BOLL: variants seen among roughly 807,000 people sequenced by gnomAD.
BOLL encodes the protein protein boule-like.
Under a neutral mutation model 44.4 loss-of-function variants are expected in BOLL, and 23 were observed. That is an observed-to-expected ratio of 0.52 (90% CI 0.37 to 0.73). The LOEUF is 0.73. Ranked by LOEUF, BOLL falls within the 30% of genes least tolerant of loss-of-function variation. The pLI is 0.00. For missense variants in BOLL, 287 were observed against 338.3 expected, an observed-to-expected ratio of 0.85 and a Z score of 1.19; for synonymous variants, 97 against 110.8, an observed-to-expected ratio of 0.88 and a Z score of 0.78.
chr2:197,781,106 T>C (rs1287713755), intron 2 of BOLL, among the ~76,000 whole-genome samples: 1 of 152,092 alleles, frequency 6.6e-6, no homozygotes, highest in African/African-American at 2.4e-5. Context: ...TTGTATAGAT[T>C]ATTTTGGCAC....
At chr2:197,782,667 T>C (rs957482069) in intron 1 of BOLL, among the ~76,000 whole-genome samples, 12 of 152,222 alleles carry the variant, frequency 7.9e-5, no homozygotes, top group African/African-American at 2.7e-4. Flanking sequence ...TTCCCTTGTT[T>C]GAACAATTAA....
At chr2:197,755,059 C>A (rs1295935152) in intron 9 of BOLL, among the ~76,000 whole-genome samples, 3 of 152,042 alleles carry the variant, frequency 2.0e-5, no homozygotes, top group African/African-American at 7.2e-5. Context: ...AAGAAAAAAA[C>A]AAAGAACCTC....
chr2:197,742,653 G>A (rs935535295), intron 10 of BOLL, among the ~76,000 whole-genome samples: 5 of 151,892 alleles, frequency 3.3e-5, no homozygotes, highest in East Asian at 1.9e-4. Flanking sequence ...ATCACACTCC[G>A]GGGACTGTTG....
intron 3 of BOLL, among the ~76,000 whole-genome samples, chr2:197,777,777 A>C (rs1689584953): frequency 6.6e-6 from 1 of 151,864 alleles, no homozygotes; most frequent in Non-Finnish European, 1.5e-5. Context: ...AACAAAAGAA[A>C]GAAAAAATGT....
intron 10 of BOLL, among the ~76,000 whole-genome samples, chr2:197,734,381 C>T (rs1470151636): frequency 2.0e-5 from 3 of 152,112 alleles, no homozygotes; most frequent in East Asian, 1.9e-4. Context: ...TAAACCAGTT[C>T]AACCATTGTG....
intron 7 of BOLL, among the ~76,000 whole-genome samples, chr2:197,765,730 G>A (rs1688964976): frequency 6.6e-6 from 1 of 151,516 alleles, no homozygotes; most frequent in Non-Finnish European, 1.5e-5. Flanking sequence ...TTTAGGTTCA[G>A]GGGTACATGT....
rs1199545210 is a variant in BOLL at position 197,771,994 on chromosome 2, A to T, written c.353-12T>A. On this transcript the variant is annotated splice_polypyrimidine_tract_variant and intron_variant, in intron 5 of 10. Transcript: ENST00000392296. ...CATTATACTAGAACCTAAAGCAAAG[A>T]TTAAATAATAATAATTGAAATGTTC... 3 of 1,540,342 alleles carry T rather than the reference A, an allele frequency of 1.9e-6. No individual in the cohort carries two copies. In the Admixed American group the frequency reaches 5.8e-5, roughly 30 times the overall value.
At chr2:197,735,557 A>C (rs1006155622) in intron 10 of BOLL, among the ~76,000 whole-genome samples, 1 of 152,156 alleles carries the variant, frequency 6.6e-6, no homozygotes, top group Non-Finnish European at 1.5e-5. Context: ...AATAAGGTGT[A>C]TAGTTTAGAC....
chr2:197,761,593 C>T (rs1688761475), intron 7 of BOLL, among the ~76,000 whole-genome samples: 1 of 152,080 alleles, frequency 6.6e-6, no homozygotes, highest in Non-Finnish European at 1.5e-5. Context: ...GACAGGATGT[C>T]CTCACCTATC....
rs1686914575 is a variant in BOLL, at chr2:197,727,883, G to C, written c.*672C>G. On this transcript the variant is annotated 3_prime_UTR_variant, in exon 11 of 11. Coordinates refer to ENST00000392296, the MANE Select transcript of BOLL (RefSeq NM_033030.6). ...TAATATAGTCAAATTACATGAAAAG[G>C]CAAGAATACTGATCATGTTGATGGT... 1 of 152,176 alleles carries C rather than the reference G, an allele frequency of 6.6e-6. No individual in the cohort carries two copies. The highest frequency in any genetic ancestry group is 6.5e-5 in the Admixed American group (1 of 15,270). The allele number at this position is 152,176 out of a possible 1,614,324, so 9.4% of individuals were successfully genotyped here. A position where few individuals can be genotyped will look rare whatever the true frequency, so the allele number is the denominator to read the frequency against.
chr2:197,777,095 A>G lies in BOLL; in HGVS notation c.240T>C (p.Phe80=). 2 of 1,568,776 alleles carry G rather than the reference A, an allele frequency of 1.3e-6. No homozygotes were observed. The highest frequency in any genetic ancestry group is 8.7e-7 in the Non-Finnish European group (1 of 1,148,376). ...GVSKGYGFVT[F]ETQEDAQKIL... is the part of the protein sequence containing the mutation. ...TTTTTTGTGCATCTTCTTGTGTTTC[A>G]AAAGTGACGAAACCATACCTAAATA... Residue 80 remains phenylalanine, a synonymous_variant, in exon 4 of 11, where the codon TTT becomes TTC. Coordinates refer to ENST00000392296, the MANE Select transcript of BOLL (RefSeq NM_033030.6).
chr2:197,786,086 T>C (rs1690062462), upstream of BOLL: 3 of 1,536,344 alleles, frequency 2.0e-6, no homozygotes, highest in East Asian at 4.8e-5. This position sits in a 1 kb window ranked among gnomAD's most constrained non-coding sequence, Gnocchi z 5.9. Context: ...GCAGCAGCGC[T>C]GCTTGTCCTG....
intron 9 of BOLL, among the ~76,000 whole-genome samples, chr2:197,745,142 A>G (rs1687934856): frequency 6.6e-6 from 1 of 152,224 alleles, no homozygotes; most frequent in Non-Finnish European, 1.5e-5. Flanking sequence ...TCAGAATGAC[A>G]TGGGCAGGCA....
chr2:197,745,654 AT>A (rs1163977934), intron 9 of BOLL, among the ~76,000 whole-genome samples: 3 of 152,188 alleles, frequency 2.0e-5, no homozygotes, highest in Non-Finnish European at 4.4e-5. Flanking sequence ...CAAAATATAG[AT>A]TTTTAAAATG....
chr2:197,770,729 C>T (rs1468316280), intron 6 of BOLL, among the ~76,000 whole-genome samples: 3 of 152,022 alleles, frequency 2.0e-5, no homozygotes, highest in Non-Finnish European at 2.9e-5. Flanking sequence ...TTTATGCAGC[C>T]AAAAGACACA....
intron 7 of BOLL, among the ~76,000 whole-genome samples, chr2:197,761,683 C>A (rs1319217374): frequency 6.6e-6 from 1 of 151,850 alleles, no homozygotes; most frequent in East Asian, 1.9e-4. Flanking sequence ...AAAAAGAGAC[C>A]CAACTATATG....
intron 7 of BOLL, 105 bp downstream of exon 7, chr2:197,766,427 C>A: frequency 1.1e-6 from 1 of 937,584 alleles, no homozygotes; most frequent in Non-Finnish European, 1.7e-6. Flanking sequence ...AATGAACTAT[C>A]TCTTTGTAAT....
At position 197,756,449 on chromosome 2, in the gene BOLL, C is replaced by T. The variant is rs1199206346; in HGVS notation, c.708G>A (p.Leu236=). ...ATACCTCTGGAACTGAAGTTTCCAT[C>T]AGAGACAGTGGAGGAGGAACACATC... ...DGGCVPPPLS[L]METSVPEPYS... Residue 236 remains leucine, a synonymous_variant, in exon 9 of 11, where the codon CTG becomes CTA. Transcript: ENST00000392296. 6.2e-7 allele frequency: 1 copy of T among 1,610,556 alleles called. No individual in the cohort carries two copies. Among genetic ancestry groups the T allele is most frequent in the East Asian group, 2.2e-5 (1 of 44,692 alleles).
intron 7 of BOLL, among the ~76,000 whole-genome samples, chr2:197,761,353 C>CA: frequency 6.6e-6 from 1 of 151,412 alleles, no homozygotes; most frequent in South Asian, 2.1e-4. Context: ...ATTGGCCTTA[C>CA]AAAAAAAATA....
Sources: allele counts gnomAD v4.1 joint callset (sites outside exome capture counted in the v4.1 genomes callset), GRCh38; gene constraint gnomAD v4.1.1; non-coding constraint Gnocchi (gnomAD v3.1); transcripts MANE v1.5; gene names NCBI Gene and HGNC (gene_info 2026-07-23, HGNC 2026-07-21).